Variants in HK1 observed in about 807,000 individuals in gnomAD.
The protein encoded by HK1 is hexokinase 1.
In HK1, 28 loss-of-function variants were observed where a neutral mutation model predicts 91.6. The ratio of observed to expected loss-of-function variants is 0.31; its 90% CI spans 0.23 to 0.42. HK1 has a LOEUF of 0.42. HK1 is among the 10% of genes least tolerant of loss of function. HK1 has a pLI of 1.00. For missense variants in HK1, 770 were observed against 1,219.8 expected, an observed-to-expected ratio of 0.63 and a Z score of 5.49; for synonymous variants, 430 against 468.1, an observed-to-expected ratio of 0.92 and a Z score of 1.05.
intron 2 of HK1, 64 bp downstream of exon 2, chr10:69,344,053 C>T: frequency 6.5e-7 from 1 of 1,529,136 alleles, no homozygotes; most frequent in Admixed American, 1.7e-5. Flanking sequence ...TTCCTTCTAA[C>T]TTCATTTGTT....
chr10:69,276,138 T>TATATATATATATATATATATATATAC (rs753204633), intron 1 of HK1, among the ~76,000 whole-genome samples: 19 of 76,420 alleles, frequency 2.5e-4, no homozygotes, highest in East Asian at 1.6e-3. Context: ...TATATATATA[T>TATATATATATATATATATATATATAC]ACACATATAT....
chr10:69,288,820 TC>T, intron 3 of HK1: 1 of 1,521,762 alleles, frequency 6.6e-7, no homozygotes. Context: ...ACGTTTTTGT[TC>T]CATCGCCCAG....
upstream of HK1, among the ~76,000 whole-genome samples, chr10:69,312,209 C>G (rs1220677628): frequency 6.6e-6 from 1 of 152,176 alleles, no homozygotes; most frequent in East Asian, 1.9e-4. Context: ...AGTGATTACC[C>G]TAACCCTTCA....
At chr10:69,375,381 A>G (rs554979585) in intron 7 of HK1, among the ~76,000 whole-genome samples, 3 of 152,304 alleles carry the variant, frequency 2.0e-5, no homozygotes, top group Non-Finnish European at 4.4e-5. Flanking sequence ...CCAGGCCTCC[A>G]CCAGTGCTGA....
At chr10:69,314,326 C>T (rs942795263), upstream of HK1, among the ~76,000 whole-genome samples, 6 of 152,154 alleles carry the variant, frequency 3.9e-5, no homozygotes, top group African/African-American at 1.2e-4. Flanking sequence ...CACATTAGTC[C>T]AGTCTCTGGG....
intron 1 of HK1, among the ~76,000 whole-genome samples, chr10:69,272,013 G>A (rs574557930): frequency 6.6e-6 from 1 of 152,152 alleles, no homozygotes; most frequent in Admixed American, 6.5e-5. Context: ...ACAGGCACCT[G>A]CCACCATGGC....
chr10:69,331,393 C>T (rs1847708686), intron 1 of HK1, among the ~76,000 whole-genome samples: 1 of 152,352 alleles, frequency 6.6e-6, no homozygotes, highest in Non-Finnish European at 1.5e-5. Flanking sequence ...TCACCCAAGG[C>T]TCTGATAATG....
At chr10:69,302,162 A>G (rs765332818) in intron 5 of HK1, among the ~76,000 whole-genome samples, 3 of 151,350 alleles carry the variant, frequency 2.0e-5, no homozygotes, top group Non-Finnish European at 2.9e-5. Flanking sequence ...CAGGAGAATC[A>G]CTTGAACCTG....
chr10:69,295,623 T>C, intron 3 of HK1: 1 of 1,597,434 alleles, frequency 6.3e-7, no homozygotes, highest in Non-Finnish European at 8.6e-7. Context: ...TTGTCCTGTC[T>C]TTCTCTAAGG....
intron 1 of HK1, among the ~76,000 whole-genome samples, chr10:69,327,247 T>C (rs780080035): frequency 5.3e-5 from 8 of 152,296 alleles, no homozygotes; most frequent in Admixed American, 2.0e-4. Context: ...TGCCTAGGCC[T>C]CTTTCCAAAG....
intron 1 of HK1, among the ~76,000 whole-genome samples, chr10:69,321,463 C>T (rs565991635): frequency 5.3e-4 from 81 of 152,332 alleles, no homozygotes; most frequent in South Asian, 4.4e-3. Flanking sequence ...CTCTGCCTGC[C>T]TCCCAGCAGG....
rs113351239 is a variant in HK1, at chr10:69,322,661, C to T, written c.63+3651C>T. On this transcript the variant is annotated intron_variant, in intron 1 of 17. Coordinates refer to ENST00000359426, the MANE Select transcript of HK1 (RefSeq NM_000188.3). Reference sequence around the variant, plus strand: ...ATCTCAGCACTTTGGGAGGCTGAGGCGGGTGGATCACCTGAGGTCGGGAGT... The same window carrying T: ...ATCTCAGCACTTTGGGAGGCTGAGGTGGGTGGATCACCTGAGGTCGGGAGT... Among the ~76,000 whole-genome samples, 194 of 152,272 alleles carry T rather than the reference C, an allele frequency of 1.3e-3. 2 individuals are homozygous for T. The highest frequency in any genetic ancestry group is 4.4e-3 in the African/African-American group (181 of 41,566).
chr10:69,377,229 T>A, intron 8 of HK1, 140 bp downstream of exon 8: 1 of 964,310 alleles, frequency 1.0e-6, no homozygotes. Context: ...CCTCTCACTC[T>A]TAGTTGACCC....
chr10:69,271,221 AAC>A (rs1430421712), intron 1 of HK1: 1 of 152,098 alleles, frequency 6.6e-6, no homozygotes, highest in Non-Finnish European at 1.5e-5. Flanking sequence ...AGGAACTCTC[AAC>A]CTTTGTGCAC....
chr10:69,329,440 C>T (rs538068206), intron 1 of HK1, among the ~76,000 whole-genome samples: 3 of 152,128 alleles, frequency 2.0e-5, no homozygotes, highest in African/African-American at 4.8e-5. Context: ...GGATTACAGG[C>T]GTGAGCCACC....
chr10:69,376,105 AGC>A (rs1354065504), intron 7 of HK1, among the ~76,000 whole-genome samples: 2 of 152,192 alleles, frequency 1.3e-5, no homozygotes, highest in Non-Finnish European at 2.9e-5. Flanking sequence ...ATGTCCTGAC[AGC>A]GGCCCCAGGG....
intron 1 of HK1, among the ~76,000 whole-genome samples, chr10:69,279,273 A>G (rs1564748743): frequency 6.6e-6 from 1 of 152,134 alleles, no homozygotes; most frequent in Non-Finnish European, 1.5e-5. Context: ...CCTCTTCCTC[A>G]TGTGGTGAAG....
At chr10:69,341,908 G>GAGGCC (rs1848309854) in intron 1 of HK1, among the ~76,000 whole-genome samples, 1 of 152,082 alleles carries the variant, frequency 6.6e-6, no homozygotes, top group Non-Finnish European at 1.5e-5. Context: ...GACATTTTGG[G>GAGGCC]AGGCCTAGGT....
At chr10:69,400,748 A>T (rs1840349190) in intron 17 of HK1, among the ~76,000 whole-genome samples, 1 of 152,140 alleles carries the variant, frequency 6.6e-6, no homozygotes, top group Non-Finnish European at 1.5e-5. Context: ...CCTCCCAGCC[A>T]TTCTCAACTG....
Sources: gnomAD v4.1 joint callset for allele counts (sites outside exome capture counted in the v4.1 genomes callset) on GRCh38, gnomAD v4.1.1 for gene constraint, MANE v1.5 for transcripts, NCBI Gene and HGNC (gene_info 2026-07-23, HGNC 2026-07-21) for gene names.